Variants in ADRB1 observed in about 807,000 individuals in gnomAD.
ADRB1 encodes the protein beta-1 adrenergic receptor.
For missense variants in ADRB1, 635 were observed against 709.1 expected (o/e 0.90, Z 1.19); for synonymous variants, 365 against 347.2 (o/e 1.05, Z -0.57).
At position 114,045,440 on chromosome 10, in the gene ADRB1, C is replaced by T. The variant is rs365722; in HGVS notation, c.1308C>T (p.Val436=). Residue 436 remains valine, a synonymous_variant, in exon 1 of 1, where the codon GTC becomes GTT. Coordinates refer to ENST00000369295, the MANE Select transcript of ADRB1 (RefSeq NM_000684.3). ...CGGACGACGACGACGACGATGTCGT[C>T]GGGGCCACGCCGCCCGCGCGCCTGC... ...AASDDDDDDV[V]GATPPARLLE... is the part of the protein sequence containing the mutation. 8.0e-7 allele frequency: 1 copy of T among 1,244,626 alleles called. No homozygotes were observed. Among genetic ancestry groups the T allele is most frequent in the East Asian group, 3.2e-5 (1 of 30,890 alleles). 77.1% of individuals were successfully genotyped at this position (1,244,626 alleles called of 1,614,324 possible). A position where few individuals can be genotyped will look rare whatever the true frequency, so the allele number is the denominator to read the frequency against.
chr10:114,045,577 G>T lies in ADRB1; in HGVS notation c.*11G>T. The T allele has an allele frequency of 7.8e-7, 1 of 1,279,990 alleles. No individual in the cohort carries two copies. The highest frequency in any genetic ancestry group is 9.9e-7 in the Non-Finnish European group (1 of 1,005,824). 79.3% of individuals were successfully genotyped at this position (1,279,990 alleles called of 1,614,324 possible). ...GAATCCAAGGTGTAGGGCCCGGCGC[G>T]GGGCGCGGACTCCGGGCACGGCTTC... On this transcript the variant is annotated 3_prime_UTR_variant, in exon 1 of 1. Transcript: ENST00000369295.
At position 114,045,797 on chromosome 10, in the gene ADRB1, CTTCTTTTTT is replaced by C. The variant is rs1277653355; in HGVS notation, c.*234_*242del. On this transcript the variant is annotated 3_prime_UTR_variant, in exon 1 of 1. Transcript: ENST00000369295. ...TTTTTTTTCTTTTCTTTTCTTTCTTCTTCTTTTTTTTTTTTTTTTTTTTTTCTGTTTGTG... is the reference window on the plus strand; with the variant it reads ...TTTTTTTTCTTTTCTTTTCTTTCTTCTTTTTTTTTTTTTTTTCTGTTTGTG... 3.9e-5 allele frequency: 7 copies of C among 180,734 alleles called. No homozygotes were observed. The highest frequency in any genetic ancestry group is 3.2e-4 in the South Asian group (1 of 3,138). 11.2% of individuals were successfully genotyped at this position (180,734 alleles called of 1,614,324 possible).
chr10:114,044,595 G>A lies in ADRB1; in HGVS notation c.463G>A (p.Asp155Asn). 1 of 1,613,514 alleles carries A rather than the reference G, an allele frequency of 6.2e-7. No individual in the cohort carries two copies. The highest frequency in any genetic ancestry group is 1.1e-5 in the South Asian group (1 of 91,082). Reference sequence around the variant, plus strand: ...CGAGACCCTGTGTGTCATTGCCCTGGACCGCTACCTCGCCATCACCTCGCC... The same window carrying A: ...CGAGACCCTGTGTGTCATTGCCCTGAACCGCTACCTCGCCATCACCTCGCC... ...SIETLCVIAL[D>N]RYLAITSPFR... Residue 155 changes from aspartate to asparagine, a missense_variant, in exon 1 of 1, where the codon GAC (aspartate) becomes AAC (asparagine). Coordinates refer to ENST00000369295, the MANE Select transcript of ADRB1 (RefSeq NM_000684.3). This position sits in a 1 kb window ranked among gnomAD's most constrained non-coding sequence, Gnocchi z 7.8.
Position 114,044,447 on chromosome 10 carries a change from G to A in ADRB1, c.315G>A (p.Leu105=). 1 of 1,613,132 alleles carries A rather than the reference G, an allele frequency of 6.2e-7. No homozygotes were observed. Among genetic ancestry groups the A allele is most frequent in the Non-Finnish European group, 8.5e-7 (1 of 1,179,964 alleles). Residue 105 remains leucine (L), a synonymous_variant, in exon 1 of 1, where the codon CTG becomes CTA. Coordinates refer to ENST00000369295, the MANE Select transcript of ADRB1 (RefSeq NM_000684.3). This position sits in a 1 kb window ranked among gnomAD's most constrained non-coding sequence, Gnocchi z 7.8. ...TCATGTCCCTGGCCAGCGCCGACCT[G>A]GTCATGGGGCTGCTGGTGGTGCCGT... ...LFIMSLASAD[L]VMGLLVVPFG...
In ADRB1 at chr10:114,044,111, C is replaced by G; in HGVS notation, c.-22C>G. ...CGGCCCAGCCCTGCCACACCCCCCG[C>G]CCCCGGCCTCCGCAGCTCGGCATGG... is the stretch of plus-strand genomic sequence containing the variant. On this transcript the variant is annotated 5_prime_UTR_variant, in exon 1 of 1. Coordinates refer to ENST00000369295, the MANE Select transcript of ADRB1 (RefSeq NM_000684.3). This position sits in a 1 kb window ranked among gnomAD's most constrained non-coding sequence, Gnocchi z 7.8. 1 of 1,255,484 alleles carries G rather than the reference C, an allele frequency of 8.0e-7. No individual in the cohort carries two copies. The highest frequency in any genetic ancestry group is 9.9e-7 in the Non-Finnish European group (1 of 1,005,120). 77.8% of individuals were successfully genotyped at this position (1,255,484 alleles called of 1,614,324 possible). A position where few individuals can be genotyped will look rare whatever the true frequency, so the allele number is the denominator to read the frequency against.
In ADRB1 at chr10:114,044,038, T is replaced by G; in HGVS notation, c.-95T>G. 9.5e-7 allele frequency: 1 copy of G among 1,054,758 alleles called. No homozygotes were observed. The highest frequency in any genetic ancestry group is 1.7e-5 in the African/African-American group (1 of 59,692). 65.3% of individuals were successfully genotyped at this position (1,054,758 alleles called of 1,614,324 possible). A position where few individuals can be genotyped will look rare whatever the true frequency, so the allele number is the denominator to read the frequency against. ...CGGCTGCCCTGACCCGGCCGCGACC[T>G]CCCTCTGCGCACCACGCCGCCCGGG... On this transcript the variant is annotated 5_prime_UTR_variant, in exon 1 of 1. Transcript: ENST00000369295. This position sits in a 1 kb window ranked among gnomAD's most constrained non-coding sequence, Gnocchi z 7.8.
At position 114,044,931 on chromosome 10, in the gene ADRB1, G is replaced by T. The variant is rs780900355; in HGVS notation, c.799G>T (p.Gly267Cys). 4 of 1,565,926 alleles carry T rather than the reference G, an allele frequency of 2.6e-6. No homozygotes were observed. The highest frequency in any genetic ancestry group is 3.7e-5 in the Admixed American group (2 of 54,490). ...CGACAGCTGCGAGCGCCGTTTCCTC[G>T]GCGGCCCAGCGCGGCCGCCCTCGCC... Reference protein sequence around the residue: ...KIDSCERRFLGGPARPPSPSP... With the variant: ...KIDSCERRFLCGPARPPSPSP... The change falls in exon 1 of 1, where the codon GGC (glycine) becomes TGC (cysteine). Residue 267 changes from glycine (G) to cysteine (C), a missense_variant. Gly to Cys is a radical substitution (Grantham distance 159, BLOSUM62 -3). Transcript: ENST00000369295. This position sits in a 1 kb window ranked among gnomAD's most constrained non-coding sequence, Gnocchi z 7.8.
In ADRB1 at chr10:114,045,431, C is replaced by T; in HGVS notation, c.1299C>T (p.Asp433=). ...GGGCCGCCTCGGACGACGACGACGA[C>T]GATGTCGTCGGGGCCACGCCGCCCG... The part of the protein sequence containing the change: ...SPGAASDDDD[D]DVVGATPPAR... Residue 433 remains aspartate, a synonymous_variant, in exon 1 of 1, where the codon GAC becomes GAT. Coordinates refer to ENST00000369295, the MANE Select transcript of ADRB1 (RefSeq NM_000684.3). 4 of 1,243,218 alleles carry T rather than the reference C, an allele frequency of 3.2e-6. No homozygotes were observed. Among genetic ancestry groups the T allele is most frequent in the Non-Finnish European group, 4.0e-6 (4 of 992,574 alleles). The allele number at this position is 1,243,218 out of a possible 1,614,324, so 77.0% of individuals were successfully genotyped here.
In ADRB1 at chr10:114,044,444, C is replaced by T. The variant is rs767021776; in HGVS notation, c.312C>T (p.Asp104=). The change falls in exon 1 of 1, where the codon GAC becomes GAT. Residue 104 remains aspartate, a synonymous_variant. Transcript: ENST00000369295. This position sits in a 1 kb window ranked among gnomAD's most constrained non-coding sequence, Gnocchi z 7.8. ...TCATCATGTCCCTGGCCAGCGCCGA[C>T]CTGGTCATGGGGCTGCTGGTGGTGC... ...NLFIMSLASA[D]LVMGLLVVPF... is the part of the protein sequence containing the mutation. 1.2e-6 allele frequency: 2 copies of T among 1,613,052 alleles called. No individual in the cohort carries two copies. Among genetic ancestry groups the T allele is most frequent in the Non-Finnish European group, 1.7e-6 (2 of 1,179,956 alleles).
chr10:114,045,257 C>G lies in ADRB1; in HGVS notation c.1125C>G (p.Ile375Met). 1 of 1,595,970 alleles carries G rather than the reference C, an allele frequency of 6.3e-7. No individual in the cohort carries two copies. The change falls in exon 1 of 1, where the codon ATC becomes ATG. Residue 375 changes from isoleucine to methionine, a missense_variant. Transcript: ENST00000369295. Reference protein sequence around the residue: ...LGYANSAFNPIIYCRSPDFRK... With the variant: ...LGYANSAFNPMIYCRSPDFRK... ...ACGCCAACTCGGCCTTCAACCCCAT[C>G]ATCTACTGCCGCAGCCCCGACTTCC...
Position 114,045,708 on chromosome 10 carries a change from C to T in ADRB1, c.*142C>T. 1 of 856,540 alleles carries T rather than the reference C, an allele frequency of 1.2e-6. No homozygotes were observed. Among genetic ancestry groups the T allele is most frequent in the Non-Finnish European group, 1.6e-6 (1 of 635,720 alleles). 53.1% of individuals were successfully genotyped at this position (856,540 alleles called of 1,614,324 possible). On this transcript the variant is annotated 3_prime_UTR_variant, in exon 1 of 1. Transcript: ENST00000369295. ...CGAGGCAAAGAGAAAAGCCACGGAC[C>T]GTTGCACAAAAAGGAAAGTTTGGGA...
Position 114,045,684 on chromosome 10 carries a change from G to A in ADRB1, c.*118G>A. ...CCCACAATCCTCGTCTGAATCATCCGAGGCAAAGAGAAAAGCCACGGACCG... is the reference window on the plus strand; with the variant it reads ...CCCACAATCCTCGTCTGAATCATCCAAGGCAAAGAGAAAAGCCACGGACCG... On this transcript the variant is annotated 3_prime_UTR_variant, in exon 1 of 1. Transcript: ENST00000369295. The A allele has an allele frequency of 9.3e-7, 1 of 1,070,678 alleles. No individual in the cohort carries two copies. The highest frequency in any genetic ancestry group is 1.6e-5 in the African/African-American group (1 of 60,748). The allele number at this position is 1,070,678 out of a possible 1,614,324, so 66.3% of individuals were successfully genotyped here.
chr10:114,045,683 C>T lies in ADRB1; in HGVS notation c.*117C>T. ...GCCCACAATCCTCGTCTGAATCATC[C>T]GAGGCAAAGAGAAAAGCCACGGACC... On this transcript the variant is annotated 3_prime_UTR_variant, in exon 1 of 1. Coordinates refer to ENST00000369295, the MANE Select transcript of ADRB1 (RefSeq NM_000684.3). 1 of 1,076,594 alleles carries T rather than the reference C, an allele frequency of 9.3e-7. No homozygotes were observed. Among genetic ancestry groups the T allele is most frequent in the Non-Finnish European group, 1.2e-6 (1 of 835,342 alleles). The allele number at this position is 1,076,594 out of a possible 1,614,324, so 66.7% of individuals were successfully genotyped here. A position where few individuals can be genotyped will look rare whatever the true frequency, so the allele number is the denominator to read the frequency against.
rs1458063650 is a variant in ADRB1, at chr10:114,044,104, C to T, written c.-29C>T. The T allele has an allele frequency of 4.8e-6, 6 of 1,248,802 alleles. No homozygotes were observed. The highest frequency in any genetic ancestry group is 3.4e-5 in the East Asian group (1 of 29,370). The allele number at this position is 1,248,802 out of a possible 1,614,324, so 77.4% of individuals were successfully genotyped here. Reference sequence around the variant, plus strand: ...CCAACCACGGCCCAGCCCTGCCACACCCCCCGCCCCCGGCCTCCGCAGCTC... The same window carrying T: ...CCAACCACGGCCCAGCCCTGCCACATCCCCCGCCCCCGGCCTCCGCAGCTC... On this transcript the variant is annotated 5_prime_UTR_variant, in exon 1 of 1. Transcript: ENST00000369295. This position sits in a 1 kb window ranked among gnomAD's most constrained non-coding sequence, Gnocchi z 7.8.
In ADRB1 at chr10:114,044,626, G is replaced by T. The variant is rs1303421511; in HGVS notation, c.494G>T (p.Arg165Leu). ...TACCTCGCCATCACCTCGCCCTTCC[G>T]CTACCAGAGCCTGCTGACGCGCGCG... ...DRYLAITSPF[R>L]YQSLLTRARA... Residue 165 changes from arginine (R) to leucine (L), a missense_variant, in exon 1 of 1, where the codon CGC becomes CTC. Coordinates refer to ENST00000369295, the MANE Select transcript of ADRB1 (RefSeq NM_000684.3). This position sits in a 1 kb window ranked among gnomAD's most constrained non-coding sequence, Gnocchi z 7.8. 6 of 1,613,146 alleles carry T rather than the reference G, an allele frequency of 3.7e-6. No homozygotes were observed. Among genetic ancestry groups the T allele is most frequent in the Non-Finnish European group, 5.1e-6 (6 of 1,179,934 alleles).
Position 114,045,197 on chromosome 10 carries a change from C to G in ADRB1, c.1065C>G (p.Pro355=), listed in dbSNP as rs141633952. The change falls in exon 1 of 1, where the codon CCC becomes CCG. Residue 355 remains proline, a synonymous_variant. Coordinates refer to ENST00000369295, the MANE Select transcript of ADRB1 (RefSeq NM_000684.3). ...VVKAFHRELV[P]DRLFVFFNWL... is the part of the protein sequence containing the mutation. ...AGGCCTTCCACCGCGAGCTGGTGCC[C>G]GACCGCCTCTTCGTCTTCTTCAACT... 8.8e-6 allele frequency: 14 copies of G among 1,598,166 alleles called. No homozygotes were observed. In the African/African-American group the frequency reaches 1.8e-4, roughly 20 times the overall value.
Position 114,045,766 on chromosome 10 carries a change from G to A in ADRB1, c.*200G>A, listed in dbSNP as rs1847553863. The A allele has an allele frequency of 7.0e-6, 2 of 287,156 alleles. No individual in the cohort carries two copies. The highest frequency in any genetic ancestry group is 1.3e-5 in the Non-Finnish European group (2 of 157,236). The allele number at this position is 287,156 out of a possible 1,614,324, so 17.8% of individuals were successfully genotyped here. A position where few individuals can be genotyped will look rare whatever the true frequency, so the allele number is the denominator to read the frequency against. On this transcript the variant is annotated 3_prime_UTR_variant, in exon 1 of 1. Transcript: ENST00000369295. ...GGAGAGTGGCTTGCTGATGTTCCTT[G>A]TTGTTTTTTTTTTCTTTTCTTTTCT... is the stretch of plus-strand genomic sequence containing the variant.
chr10:114,044,394 C>A lies in ADRB1; in HGVS notation c.262C>A (p.Arg88=). ...GATCGTGGCCATCGCCAAGACGCCG[C>A]GGCTGCAGACGCTCACCAACCTCTT... The part of the protein sequence containing the change: ...LVIVAIAKTP[R]LQTLTNLFIM... Residue 88 remains arginine (R), a synonymous_variant, in exon 1 of 1, where the codon CGG becomes AGG. Coordinates refer to ENST00000369295, the MANE Select transcript of ADRB1 (RefSeq NM_000684.3). The surrounding 1 kb of genome is among the most constrained non-coding windows in gnomAD (Gnocchi z 7.8). 1 of 1,610,952 alleles carries A rather than the reference C, an allele frequency of 6.2e-7. No individual in the cohort carries two copies. The highest frequency in any genetic ancestry group is 8.5e-7 in the Non-Finnish European group (1 of 1,179,852).
Position 114,045,447 on chromosome 10 carries a change from A to G in ADRB1, c.1315A>G (p.Thr439Ala). 8.0e-7 allele frequency: 1 copy of G among 1,250,352 alleles called. No individual in the cohort carries two copies. Among genetic ancestry groups the G allele is most frequent in the East Asian group, 3.2e-5 (1 of 31,028 alleles). The allele number at this position is 1,250,352 out of a possible 1,614,324, so 77.5% of individuals were successfully genotyped here. Reference sequence around the variant, plus strand: ...CGACGACGACGATGTCGTCGGGGCCACGCCGCCCGCGCGCCTGCTGGAGCC... The same window carrying G: ...CGACGACGACGATGTCGTCGGGGCCGCGCCGCCCGCGCGCCTGCTGGAGCC... The part of the protein sequence containing the change: ...DDDDDDVVGA[T>A]PPARLLEPWA... The change falls in exon 1 of 1, where the codon ACG (threonine) becomes GCG (alanine). Residue 439 changes from threonine (T) to alanine (A), a missense_variant. Thr to Ala is a moderately conservative substitution (Grantham distance 58). Coordinates refer to ENST00000369295, the MANE Select transcript of ADRB1 (RefSeq NM_000684.3).
Sources: gnomAD v4.1 joint callset for allele counts on GRCh38, gnomAD v4.1.1 for gene constraint, Gnocchi (gnomAD v3.1) non-coding constraint, MANE v1.5 for transcripts, NCBI Gene and HGNC (gene_info 2026-07-23, HGNC 2026-07-21) for gene names.